Variants in MYO3A observed in about 807,000 individuals in gnomAD.
MYO3A encodes myosin IIIA.
A neutral mutation model predicts 192.7 loss-of-function variants in MYO3A; 180 were observed. That is an observed-to-expected ratio of 0.93 (90% CI 0.83 to 1.06). MYO3A has a LOEUF of 1.06. Among genes scored for constraint, MYO3A ranks in the 50% least tolerant of loss-of-function variants. The probability of loss-of-function intolerance (pLI) is 0.00; values close to 1 mark genes in which losing one functional copy is unlikely to be tolerated. For synonymous variants in MYO3A, 628 were observed against 645.3 expected (o/e 0.97, Z 0.41); for missense variants, 1,896 against 1,905.0 (o/e 1.00, Z 0.09).
At chr10:26,188,344 T>G (rs1032830651) in intron 31 of MYO3A, among the ~76,000 whole-genome samples, 4 of 152,172 alleles carry the variant, frequency 2.6e-5, no homozygotes, top group African/African-American at 9.7e-5. Flanking sequence ...GGGTTGTTTG[T>G]TTTTTTCTTG....
chr10:26,110,504 C>G (rs1346059532), intron 17 of MYO3A, among the ~76,000 whole-genome samples: 2 of 151,946 alleles, frequency 1.3e-5, no homozygotes, highest in Admixed American at 1.3e-4. Flanking sequence ...CTCCCTCCCT[C>G]CAAAAAAAAT....
chr10:26,008,281 T>C (rs1004903046), intron 6 of MYO3A, among the ~76,000 whole-genome samples: 3 of 148,146 alleles, frequency 2.0e-5, no homozygotes, highest in East Asian at 1.9e-4. Context: ...ATAAAAACCC[T>C]AGAAGAAAAC....
At chr10:25,986,070 T>G (rs1839633979) in intron 4 of MYO3A, among the ~76,000 whole-genome samples, 1 of 152,206 alleles carries the variant, frequency 6.6e-6, no homozygotes, top group South Asian at 2.1e-4. Context: ...GTCATAAATG[T>G]GACACACTAC....
chr10:26,091,836 C>T (rs1357500754), intron 15 of MYO3A, among the ~76,000 whole-genome samples: 1 of 152,200 alleles, frequency 6.6e-6, no homozygotes, highest in Non-Finnish European at 1.5e-5. Context: ...CTCCCAAGCC[C>T]ACCATTCATG....
intron 6 of MYO3A, among the ~76,000 whole-genome samples, chr10:26,010,417 G>A (rs1332927086): frequency 6.8e-6 from 1 of 147,398 alleles, no homozygotes. Context: ...TGATGTGAAA[G>A]TATATAGCAT....
intron 20 of MYO3A, among the ~76,000 whole-genome samples, chr10:26,143,169 A>G (rs1274212362): frequency 6.6e-6 from 1 of 152,018 alleles, no homozygotes; most frequent in Non-Finnish European, 1.5e-5. Flanking sequence ...CATCTCTACT[A>G]AAAATATAAA....
At position 26,025,050 on chromosome 10, in the gene MYO3A, C is replaced by A. The variant is rs750902208; in HGVS notation, c.797+963C>A. On this transcript the variant is annotated intron_variant, in intron 9 of 34. Transcript: ENST00000642920. ...ACATTAAAGATTTGATAAAGTTTTG[C>A]GTGAATAAAATAATTTCATATGTGC... is the stretch of plus-strand genomic sequence containing the variant. Among the ~76,000 whole-genome samples the A allele has an allele frequency of 3.9e-5, 6 of 152,074 alleles. No homozygotes were observed. In the East Asian group the frequency reaches 1.2e-3, roughly 29 times the overall value.
chr10:26,107,715 G>T (rs1837908997), intron 17 of MYO3A, among the ~76,000 whole-genome samples: 1 of 150,498 alleles, frequency 6.6e-6, no homozygotes, highest in South Asian at 2.1e-4. Flanking sequence ...CATATCTCTG[G>T]CTTTGTTTCC....
At chr10:26,210,133 G>GGGAA (rs139947188) in intron 34 of MYO3A, among the ~76,000 whole-genome samples, 3 of 138,358 alleles carry the variant, frequency 2.2e-5, no homozygotes, top group Non-Finnish European at 4.5e-5. Context: ...GAGGGAGGGA[G>GGGAA]GGAAGGAAGG....
intron 10 of MYO3A, among the ~76,000 whole-genome samples, chr10:26,061,362 A>G (rs950335302): frequency 3.3e-5 from 5 of 152,224 alleles, no homozygotes; most frequent in Non-Finnish European, 7.3e-5. Flanking sequence ...GAACTTCTCC[A>G]CTAGTGGTGT....
At chr10:25,962,636 G>A (rs1295316649) in intron 4 of MYO3A, among the ~76,000 whole-genome samples, 2 of 152,082 alleles carry the variant, frequency 1.3e-5, no homozygotes, top group East Asian at 3.9e-4. Flanking sequence ...CTTGTTTAGT[G>A]AGATGTAAAT....
chr10:26,129,675 C>G (rs1380235203), intron 20 of MYO3A, among the ~76,000 whole-genome samples: 1 of 152,136 alleles, frequency 6.6e-6, no homozygotes, highest in Non-Finnish European at 1.5e-5. Context: ...TCCCCAATTC[C>G]CCTGGAATGG....
chr10:26,188,974 C>T (rs1413690902), intron 31 of MYO3A, among the ~76,000 whole-genome samples: 1 of 152,116 alleles, frequency 6.6e-6, no homozygotes, highest in Non-Finnish European at 1.5e-5. Context: ...AATGTGGGCT[C>T]TTTTTTGGTT....
intron 17 of MYO3A, among the ~76,000 whole-genome samples, chr10:26,115,233 G>A (rs567254424): frequency 6.6e-5 from 10 of 152,158 alleles, no homozygotes; most frequent in East Asian, 1.9e-4. Context: ...AAGACGGATC[G>A]GCGAGTGGCA....
intron 17 of MYO3A, 136 bp downstream of exon 17, chr10:26,096,818 G>A: frequency 9.4e-6 from 6 of 639,988 alleles, no homozygotes; most frequent in South Asian, 5.8e-5. Context: ...TGAAATAACT[G>A]GAAATATAAT....
chr10:26,118,883 C>T (rs561052340), intron 17 of MYO3A, among the ~76,000 whole-genome samples: 7 of 152,168 alleles, frequency 4.6e-5, no homozygotes, highest in African/African-American at 7.2e-5. Flanking sequence ...CTGCCCGCCT[C>T]GGCCTCCCAA....
intron 34 of MYO3A, chr10:26,204,363 A>G (rs953169880): frequency 7.9e-5 from 12 of 152,226 alleles, no homozygotes; most frequent in African/African-American, 2.4e-4. Context: ...CCCTTCTCCA[A>G]TGTATCCTTC....
chr10:26,113,190 G>A (rs150281817), intron 17 of MYO3A, among the ~76,000 whole-genome samples: 8 of 152,190 alleles, frequency 5.3e-5, no homozygotes, highest in Non-Finnish European at 7.4e-5. Flanking sequence ...TTGGTTTTAG[G>A]CCAGGCTTGG....
intron 4 of MYO3A, 56 bp downstream of exon 4, chr10:25,955,064 G>T: frequency 1.3e-6 from 2 of 1,583,162 alleles, no homozygotes; most frequent in Non-Finnish European, 1.7e-6. Context: ...GTTCTGAAAT[G>T]ACTTGTTATA....
Sources: gnomAD v4.1 joint callset for allele counts (sites outside exome capture counted in the v4.1 genomes callset) on GRCh38, gnomAD v4.1.1 for gene constraint, MANE v1.5 for transcripts, NCBI Gene and HGNC (gene_info 2026-07-23, HGNC 2026-07-21) for gene names.